Variants in SORT1 observed in about 807,000 individuals in gnomAD.
SORT1 encodes the protein sortilin 1.
A neutral mutation model predicts 101.7 loss-of-function variants in SORT1; 39 were observed. The ratio of observed to expected loss-of-function variants is 0.38; its 90% CI spans 0.30 to 0.50. The LOEUF is 0.50. Ranked by LOEUF, SORT1 falls within the 20% of genes least tolerant of loss-of-function variation. The probability of loss-of-function intolerance (pLI) is 0.90; values close to 1 mark genes in which losing one functional copy is unlikely to be tolerated. For missense variants in SORT1, 878 were observed against 1,040.4 expected, an observed-to-expected ratio of 0.84 and a Z score of 2.15; for synonymous variants, 396 against 393.7, an observed-to-expected ratio of 1.01 and a Z score of -0.07.
rs1648815326 is a variant in SORT1, at chr1:109,336,241, T to A, written c.1370A>T (p.Glu457Val). 6.3e-7 allele frequency: 1 copy of A among 1,599,304 alleles called. No individual in the cohort carries two copies. ...CTGCACACATTAGAGTAAACAAACC[T>A]CATTCTTGTTTTTTGCTGTAGCATC... is the stretch of plus-strand genomic sequence containing the variant. ...ECDATAKNKNECSLHIHASYS... is the reference protein window; with the variant it reads ...ECDATAKNKNVCSLHIHASYS... The change falls in exon 11 of 20, where the codon GAG (glutamate) becomes GTG (valine). Residue 457 changes from glutamate to valine, a missense_variant and splice_region_variant. Transcript: ENST00000256637.
rs905135884 is a variant in SORT1, at chr1:109,313,602, C to T, written c.*441G>A. ...CCTGTTTTCATCTCTACAGCTGTTTCGTCTCGCCAGCAGAGCCCAGGGATG... is the reference window on the plus strand; with the variant it reads ...CCTGTTTTCATCTCTACAGCTGTTTTGTCTCGCCAGCAGAGCCCAGGGATG... On this transcript the variant is annotated 3_prime_UTR_variant, in exon 20 of 20. Coordinates refer to ENST00000256637, the MANE Select transcript of SORT1 (RefSeq NM_002959.7). The T allele has an allele frequency of 1.1e-5, 2 of 181,834 alleles. No homozygotes were observed. The highest frequency in any genetic ancestry group is 2.4e-5 in the African/African-American group (1 of 41,798). The allele number at this position is 181,834 out of a possible 1,614,324, so 11.3% of individuals were successfully genotyped here.
intron 13 of SORT1, 142 bp from the exon 14 acceptor site, chr1:109,325,231 C>CA (rs1387589830): frequency 3.7e-5 from 7 of 190,572 alleles, no homozygotes; most frequent in Non-Finnish European, 5.5e-5. Context: ...ATTATTTTAA[C>CA]TTTTTTTTTT....
At chr1:109,364,195 G>A (rs902423443) in intron 3 of SORT1, among the ~76,000 whole-genome samples, 11 of 152,138 alleles carry the variant, frequency 7.2e-5, no homozygotes, top group African/African-American at 2.7e-4. Flanking sequence ...GGAAAGCGGG[G>A]TTTTTCACAA....
At position 109,315,748 on chromosome 1, in the gene SORT1, C is replaced by CTTT. The variant is rs553898685; in HGVS notation, c.2251-973_2251-971dup. 7.0e-3 allele frequency among the ~76,000 whole-genome samples: 875 copies of CTTT among 124,676 alleles called. 9 individuals are homozygous for CTTT. The highest frequency in any genetic ancestry group is 0.011 in the Non-Finnish European group (650 of 59,724). 81.8% of individuals were successfully genotyped at this position (124,676 alleles called of 152,430 possible). On this transcript the variant is annotated intron_variant, in intron 17 of 19. Coordinates refer to ENST00000256637, the MANE Select transcript of SORT1 (RefSeq NM_002959.7). ...ACAGATTTGGATGCAGCCTCATAACCTTTTTTTTTTTTTTTTTTTTTTAAA... is the reference window on the plus strand; with the variant it reads ...ACAGATTTGGATGCAGCCTCATAACCTTTTTTTTTTTTTTTTTTTTTTTTTAAA...
In SORT1 at chr1:109,369,040, C is replaced by G. The variant is rs527980263; in HGVS notation, c.366+490G>C. Among the ~76,000 whole-genome samples, 5 of 150,012 alleles carry G rather than the reference C, an allele frequency of 3.3e-5. No homozygotes were observed. The South Asian group carries it at 1.1e-3, about 32-fold the overall frequency. ...GAAGGTGGTCAGAAGATGTTCCCGGCCAGGCGCAGTGGCTCATGCCTGTAA... is the reference window on the plus strand; with the variant it reads ...GAAGGTGGTCAGAAGATGTTCCCGGGCAGGCGCAGTGGCTCATGCCTGTAA... On this transcript the variant is annotated intron_variant, in intron 2 of 19. Transcript: ENST00000256637.
chr1:109,392,487 A>T, intron 1 of SORT1: 3 of 400,338 alleles, frequency 7.5e-6, no homozygotes, highest in Non-Finnish European at 1.0e-5. Flanking sequence ...TGAACAGAAC[A>T]TAAGCCTTCT....
rs113871264 is a variant in SORT1, at chr1:109,334,228, G to A, written c.1371+2012C>T. ...GTTCATATTCAAGAGAAATGAAATC[G>A]GTATGTCCAAAAGATATCTGTGCTC... On this transcript the variant is annotated intron_variant, in intron 11 of 19. Coordinates refer to ENST00000256637, the MANE Select transcript of SORT1 (RefSeq NM_002959.7). Among the ~76,000 whole-genome samples the A allele has an allele frequency of 5.0e-3, 768 of 152,186 alleles. 10 individuals carry two copies. Among genetic ancestry groups the A allele is most frequent in the African/African-American group, 0.018 (735 of 41,516 alleles).
chr1:109,344,229 C>T (rs1193133923), intron 8 of SORT1, among the ~76,000 whole-genome samples: 7 of 152,196 alleles, frequency 4.6e-5, no homozygotes, highest in Non-Finnish European at 1.0e-4. Flanking sequence ...GAGCTCCCGG[C>T]GCTCCCGCTG....
At chr1:109,359,122 G>A (rs1443769363) in intron 3 of SORT1, among the ~76,000 whole-genome samples, 2 of 152,194 alleles carry the variant, frequency 1.3e-5, no homozygotes, top group Admixed American at 1.3e-4. Context: ...TGGAGGCTGA[G>A]AAGTCCAAGA....
chr1:109,314,679 C>T lies in SORT1; in HGVS notation c.2350G>A (p.Gly784Arg). Residue 784 changes from glycine (G) to arginine (R), a missense_variant, in exon 18 of 20, where the codon GGG becomes AGG. Around this residue, in one of 2 missense-constraint regions of SORT1, gnomAD observed 684 missense variants for 894.5 expected, o/e 0.76. Transcript: ENST00000256637. ...GVLIVKKYVC[G>R]GRFLVHRYSV... ...GACTTCTGTGTTCCTTACCTTCCCC[C>T]ACAGACATATTTCTTCACAATGAGC... is the stretch of plus-strand genomic sequence containing the variant. 6.3e-7 allele frequency: 1 copy of T among 1,591,848 alleles called. No homozygotes were observed. The highest frequency in any genetic ancestry group is 8.6e-7 in the Non-Finnish European group (1 of 1,159,746).
chr1:109,333,175 C>T (rs915325677), intron 11 of SORT1, among the ~76,000 whole-genome samples: 1 of 152,172 alleles, frequency 6.6e-6, no homozygotes, highest in African/African-American at 2.4e-5. Context: ...ATCCACCCTC[C>T]TTGGCCTCCC....
At chr1:109,345,472 GT>G (rs1557798871) in intron 8 of SORT1, among the ~76,000 whole-genome samples, 2 of 151,474 alleles carry the variant, frequency 1.3e-5, no homozygotes, top group African/African-American at 4.9e-5. Flanking sequence ...CCGAGATTGC[GT>G]CACTGCACTC....
At chr1:109,364,303 C>G (rs1650938324) in intron 3 of SORT1, among the ~76,000 whole-genome samples, 1 of 152,036 alleles carries the variant, frequency 6.6e-6, no homozygotes, top group African/African-American at 2.4e-5. Context: ...TTTTGATTGT[C>G]TTAAGTTGTT....
At chr1:109,350,477 G>A (rs1649889200) in intron 6 of SORT1, among the ~76,000 whole-genome samples, 1 of 152,160 alleles carries the variant, frequency 6.6e-6, no homozygotes, top group Admixed American at 6.5e-5. Flanking sequence ...GAGTTGTGGT[G>A]CGCAATGTGA....
At chr1:109,394,757 T>C (rs1653099585) in intron 1 of SORT1, among the ~76,000 whole-genome samples, 1 of 152,164 alleles carries the variant, frequency 6.6e-6, no homozygotes, top group Non-Finnish European at 1.5e-5. Flanking sequence ...ACATTGATGA[T>C]GTGAATTAAT....
chr1:109,369,246 C>T (rs1381199722), intron 2 of SORT1, among the ~76,000 whole-genome samples: 5 of 152,092 alleles, frequency 3.3e-5, no homozygotes, highest in South Asian at 2.1e-4. Context: ...CGCTTGAACC[C>T]GGGAGGTGGA....
At chr1:109,319,538 C>T (rs535983976) in intron 15 of SORT1, among the ~76,000 whole-genome samples, 5 of 152,244 alleles carry the variant, frequency 3.3e-5, no homozygotes, top group East Asian at 3.9e-4. Context: ...TTTTCTTCCA[C>T]GCATTTTGGC....
chr1:109,318,355 T>C (rs948284233), intron 15 of SORT1, among the ~76,000 whole-genome samples: 13 of 152,202 alleles, frequency 8.5e-5, no homozygotes, highest in African/African-American at 3.1e-4. Flanking sequence ...TTTCACCATG[T>C]TGGTCAGGCT....
chr1:109,359,815 T>C (rs1650588337), intron 3 of SORT1, among the ~76,000 whole-genome samples: 1 of 152,184 alleles, frequency 6.6e-6, no homozygotes, highest in Non-Finnish European at 1.5e-5. Flanking sequence ...TCTTAACTTG[T>C]TCCAGCATCA....
Sources: gnomAD v4.1 joint callset for allele counts (sites outside exome capture counted in the v4.1 genomes callset) on GRCh38, gnomAD v4.1.1 for gene constraint, gnomAD v4.1.1 regional missense constraint, MANE v1.5 for transcripts, NCBI Gene and HGNC (gene_info 2026-07-23, HGNC 2026-07-21) for gene names.